Variants in LTBP1 observed in about 807,000 individuals in gnomAD.
LTBP1 encodes the protein latent transforming growth factor beta binding protein 1, also known as latent-transforming growth factor beta-binding protein 1.
LTBP1 carries 129 observed loss-of-function variants against 207.6 expected under a neutral mutation model. The observed-to-expected ratio is 0.62, with a 90% CI of 0.54 to 0.72. The LOEUF (loss-of-function observed/expected upper bound fraction) is 0.72. Among genes scored for constraint, LTBP1 ranks in the 30% least tolerant of loss-of-function variants. LTBP1 has a pLI of 0.00. For missense variants in LTBP1, 2,281 were observed against 2,217.2 expected (o/e 1.03, Z -0.58); for synonymous variants, 963 against 833.7 (o/e 1.16, Z -2.67).
chr2:33,349,453 A>G (rs2094750204), intron 26 of LTBP1, among the ~76,000 whole-genome samples: 1 of 152,176 alleles, frequency 6.6e-6, no homozygotes, highest in South Asian at 2.1e-4. Context: ...AGAAAAAAAA[A>G]AAAAGTACAT....
intron 3 of LTBP1, among the ~76,000 whole-genome samples, chr2:33,045,409 G>A (rs1460654942): frequency 6.6e-6 from 1 of 152,204 alleles, no homozygotes; most frequent in African/African-American, 2.4e-5. Flanking sequence ...ATTTGTCAAA[G>A]ATCAGATGGT....
At chr2:33,360,987 T>TC (rs2094921422) in intron 27 of LTBP1, among the ~76,000 whole-genome samples, 1 of 152,254 alleles carries the variant, frequency 6.6e-6, no homozygotes, top group African/African-American at 2.4e-5. Flanking sequence ...ACAGTCAGGT[T>TC]CTTTGTGATA....
At chr2:33,009,143 G>T (rs1355518558) in intron 2 of LTBP1, among the ~76,000 whole-genome samples, 1 of 152,226 alleles carries the variant, frequency 6.6e-6, no homozygotes, top group African/African-American at 2.4e-5. Flanking sequence ...GCTCTGGTGA[G>T]AATAGACTGC....
intron 3 of LTBP1, among the ~76,000 whole-genome samples, chr2:33,103,488 C>T (rs1175017992): frequency 6.6e-6 from 1 of 152,082 alleles, no homozygotes; most frequent in African/African-American, 2.4e-5. Context: ...TCCCTTTAGT[C>T]TCTTCATCAG....
At chr2:33,394,686 C>T (rs2095343648) in intron 32 of LTBP1, among the ~76,000 whole-genome samples, 1 of 152,178 alleles carries the variant, frequency 6.6e-6, no homozygotes, top group Non-Finnish European at 1.5e-5. Flanking sequence ...GTACGAGCAT[C>T]ATGCTGTTTT....
intron 7 of LTBP1, among the ~76,000 whole-genome samples, chr2:33,201,180 A>G (rs2089207900): frequency 6.6e-6 from 1 of 152,214 alleles, no homozygotes; most frequent in South Asian, 2.1e-4. Flanking sequence ...ATGCACACGT[A>G]TGTTTATTGC....
intron 3 of LTBP1, among the ~76,000 whole-genome samples, chr2:33,051,430 A>G (rs781131677): frequency 6.6e-6 from 1 of 152,080 alleles, no homozygotes; most frequent in Non-Finnish European, 1.5e-5. Flanking sequence ...AATAAGAAAA[A>G]AAACACACAC....
chr2:33,324,699 C>CTTTTTTTTTTTTTTTTTTTTTTTTTTTT (rs35517435), intron 24 of LTBP1, among the ~76,000 whole-genome samples: 1 of 123,376 alleles, frequency 8.1e-6, no homozygotes, highest in Non-Finnish European at 1.6e-5. Context: ...TGTATTCTAT[C>CTTTTTTTTTTTTTTTTTTTTTTTTTTTT]TTTTTTTTTT....
intron 7 of LTBP1, among the ~76,000 whole-genome samples, chr2:33,205,092 AT>A (rs2089729817): frequency 6.6e-6 from 1 of 152,188 alleles, no homozygotes; most frequent in African/African-American, 2.4e-5. Context: ...GTGCTGACAT[AT>A]GCACAGGCCA....
chr2:33,088,226 G>T (rs1340682845), intron 3 of LTBP1, among the ~76,000 whole-genome samples: 1 of 152,214 alleles, frequency 6.6e-6, no homozygotes, highest in African/African-American at 2.4e-5. Context: ...GGCCAAGGCG[G>T]GTGGATCACG....
At chr2:33,312,731 T>C (rs1451724461) in intron 23 of LTBP1, among the ~76,000 whole-genome samples, 1 of 152,234 alleles carries the variant, frequency 6.6e-6, no homozygotes, top group Non-Finnish European at 1.5e-5. Context: ...CATCAAACTT[T>C]TTAGACAATT....
At chr2:33,347,034 C>T (rs190638969) in intron 25 of LTBP1, among the ~76,000 whole-genome samples, 3,537 of 141,344 alleles carry the variant, frequency 0.025, 49 homozygotes, top group Middle Eastern at 0.076. Flanking sequence ...AGGAGAATGG[C>T]GTGAACCCGG....
intron 2 of LTBP1, among the ~76,000 whole-genome samples, chr2:32,985,420 G>C (rs1683400887): frequency 6.6e-6 from 1 of 152,222 alleles, no homozygotes. Flanking sequence ...AATTCTCACA[G>C]CAGGAGTCAG....
chr2:33,135,536 A>G (rs1200087026), intron 5 of LTBP1, among the ~76,000 whole-genome samples: 1 of 148,956 alleles, frequency 6.7e-6, no homozygotes, highest in Non-Finnish European at 1.5e-5. Flanking sequence ...GATTTGGGGA[A>G]GACAGACTGG....
chr2:32,990,172 C>G (rs1401529051), intron 2 of LTBP1, among the ~76,000 whole-genome samples: 2 of 152,222 alleles, frequency 1.3e-5, no homozygotes, highest in East Asian at 3.9e-4. Flanking sequence ...GCTTTATGAT[C>G]TGATGCTTAT....
chr2:33,265,131 C>T (rs964125575), intron 15 of LTBP1, among the ~76,000 whole-genome samples: 24 of 152,192 alleles, frequency 1.6e-4, no homozygotes, highest in Admixed American at 9.2e-4. Context: ...GGGTGATCTT[C>T]TTTACACAGT....
At chr2:32,959,597 G>GTATGTGTATATA (rs1553344613) in intron 2 of LTBP1, among the ~76,000 whole-genome samples, 5 of 58,330 alleles carry the variant, frequency 8.6e-5, no homozygotes, top group African/African-American at 1.8e-4. Context: ...ATATGTACGT[G>GTATGTGTATATA]TATATATATA....
At chr2:33,138,954 G>A (rs2082392516) in intron 5 of LTBP1, among the ~76,000 whole-genome samples, 2 of 144,122 alleles carry the variant, frequency 1.4e-5, no homozygotes, top group African/African-American at 5.2e-5. Context: ...CGCCTCCCGG[G>A]TTCACGCCAT....
At chr2:32,975,639 C>G (rs1443726771) in intron 2 of LTBP1, among the ~76,000 whole-genome samples, 1 of 99,820 alleles carries the variant, frequency 1.0e-5, no homozygotes, top group Non-Finnish European at 1.8e-5. Flanking sequence ...TGGGTTAATT[C>G]AGAGAATCAG....
Sources: allele counts gnomAD v4.1 joint callset (sites outside exome capture counted in the v4.1 genomes callset), GRCh38; gene constraint gnomAD v4.1.1; transcripts MANE v1.5; gene names NCBI Gene and HGNC (gene_info 2026-07-23, HGNC 2026-07-21).